The following CD2AP variants were observed in gnomAD, a reference collection of about 807,000 sequenced individuals.
The protein encoded by CD2AP is CD2-associated protein.
A neutral mutation model predicts 85.1 loss-of-function variants in CD2AP; 46 were observed. The ratio of observed to expected loss-of-function variants is 0.54; its 90% CI spans 0.43 to 0.69. The LOEUF (loss-of-function observed/expected upper bound fraction) is 0.69. Ranked by LOEUF, CD2AP falls within the 30% of genes least tolerant of loss-of-function variation. The probability of loss-of-function intolerance (pLI) is 0.00; values close to 1 mark genes in which losing one functional copy is unlikely to be tolerated. For missense variants in CD2AP, 769 were observed against 729.5 expected (o/e 1.05, Z -0.62); for synonymous variants, 255 against 252.9 (o/e 1.01, Z -0.08).
At chr6:47,533,462 G>T in intron 2 of CD2AP, 140 bp from the exon 3 acceptor site, 1 of 785,582 alleles carries the variant, frequency 1.3e-6, no homozygotes, top group South Asian at 1.8e-5. Context: ...AGATATGTTT[G>T]AGCAGAGCAA....
intron 1 of CD2AP, among the ~76,000 whole-genome samples, chr6:47,483,517 G>A (rs1765495646): frequency 6.6e-6 from 1 of 152,160 alleles, no homozygotes; most frequent in Admixed American, 6.5e-5. Context: ...AGAAATACAA[G>A]GTGGGTATTT....
intron 2 of CD2AP, among the ~76,000 whole-genome samples, chr6:47,508,839 A>G (rs1345392514): frequency 6.6e-6 from 1 of 151,948 alleles, no homozygotes; most frequent in Non-Finnish European, 1.5e-5. Flanking sequence ...GCCTGGCCTC[A>G]CACTTTCTTC....
intron 2 of CD2AP, among the ~76,000 whole-genome samples, chr6:47,511,509 A>G (rs957707779): frequency 6.6e-6 from 1 of 152,248 alleles, no homozygotes; most frequent in Non-Finnish European, 1.5e-5. Flanking sequence ...TAGTTTAATA[A>G]TAATGTACCA....
At chr6:47,489,206 C>G (rs991537962) in intron 1 of CD2AP, 1 of 139,910 alleles carries the variant, frequency 7.1e-6, no homozygotes, top group Admixed American at 7.8e-5. Context: ...TCGCTCTTGT[C>G]CCCCAGGCTG....
chr6:47,620,678 G>T (rs748831939), intron 17 of CD2AP, among the ~76,000 whole-genome samples: 1 of 152,150 alleles, frequency 6.6e-6, no homozygotes, highest in Non-Finnish European at 1.5e-5. Flanking sequence ...ACCCATCCAC[G>T]AGCGTGGGAT....
intron 16 of CD2AP, among the ~76,000 whole-genome samples, chr6:47,610,457 T>C (rs1177871078): frequency 6.6e-6 from 1 of 152,082 alleles, no homozygotes; most frequent in East Asian, 1.9e-4. Context: ...AAATAAAACA[T>C]AAATGTTATG....
At chr6:47,614,805 GC>G (rs1257115161) in intron 17 of CD2AP, among the ~76,000 whole-genome samples, 18 of 152,286 alleles carry the variant, frequency 1.2e-4, no homozygotes, top group African/African-American at 4.3e-4. Context: ...GTGCAGTTAA[GC>G]TATTTTCATT....
At chr6:47,573,716 C>T (rs926231321) in intron 5 of CD2AP, among the ~76,000 whole-genome samples, 8 of 151,992 alleles carry the variant, frequency 5.3e-5, no homozygotes, top group Non-Finnish European at 4.4e-5. Context: ...GTCTCGATCT[C>T]CTGACCTCGT....
At chr6:47,586,195 A>C (rs1768626210) in intron 11 of CD2AP, among the ~76,000 whole-genome samples, 1 of 152,220 alleles carries the variant, frequency 6.6e-6, no homozygotes, top group African/African-American at 2.4e-5. Flanking sequence ...GAAAATGTGA[A>C]CATTACAGTG....
In CD2AP at chr6:47,574,056, T is replaced by C. The variant is rs1768231473; in HGVS notation, c.542-8T>C. On this transcript the variant is annotated splice_region_variant and splice_polypyrimidine_tract_variant and intron_variant, in intron 5 of 17. Transcript: ENST00000359314. ...GTGTCATTCTTCAAAAACAAATTAT[T>C]GTTTCAGAAACTGTTTTGGCTGGGC... The C allele has an allele frequency of 1.2e-6, 2 of 1,613,502 alleles. No homozygotes were observed. The highest frequency in any genetic ancestry group is 2.7e-5 in the African/African-American group (2 of 75,044).
At chr6:47,590,888 G>A (rs1390858804) in intron 11 of CD2AP, among the ~76,000 whole-genome samples, 1 of 152,018 alleles carries the variant, frequency 6.6e-6, no homozygotes, top group African/African-American at 2.4e-5. Context: ...AAAACATTGA[G>A]GCAAGGAATT....
intron 1 of CD2AP, among the ~76,000 whole-genome samples, chr6:47,497,507 C>T (rs1375432348): frequency 6.6e-6 from 1 of 152,056 alleles, no homozygotes; most frequent in Non-Finnish European, 1.5e-5. Flanking sequence ...CATTCTCTCA[C>T]TCAAGCCATC....
intron 17 of CD2AP, among the ~76,000 whole-genome samples, chr6:47,621,534 G>T (rs1407789457): frequency 1.3e-5 from 2 of 152,140 alleles, no homozygotes; most frequent in Non-Finnish European, 2.9e-5. Context: ...TCTGGTTTTG[G>T]TATCAGGGTG....
chr6:47,535,183 G>A (rs1331132738), intron 3 of CD2AP, among the ~76,000 whole-genome samples: 8 of 152,202 alleles, frequency 5.3e-5, no homozygotes, highest in Non-Finnish European at 1.2e-4. Context: ...GAATGTAGGA[G>A]TTATTACTAT....
chr6:47,587,414 A>C (rs1359076767), intron 11 of CD2AP, among the ~76,000 whole-genome samples: 1 of 144,254 alleles, frequency 6.9e-6, no homozygotes, highest in Non-Finnish European at 1.5e-5. Flanking sequence ...TCAAATGTTT[A>C]GATAGGTGAT....
At chr6:47,514,175 G>T (rs1443721071) in intron 2 of CD2AP, among the ~76,000 whole-genome samples, 1 of 151,990 alleles carries the variant, frequency 6.6e-6, no homozygotes, top group African/African-American at 2.4e-5. Context: ...TTTACTATTA[G>T]CTGTAAAATT....
chr6:47,496,871 A>G (rs1765868404), intron 1 of CD2AP, among the ~76,000 whole-genome samples: 1 of 152,214 alleles, frequency 6.6e-6, no homozygotes, highest in Non-Finnish European at 1.5e-5. Context: ...TTATCTGAAC[A>G]TAGTAAGGGT....
At chr6:47,607,791 C>T in intron 14 of CD2AP, 136 bp from the exon 15 acceptor site, 2 of 627,792 alleles carry the variant, frequency 3.2e-6, no homozygotes, top group South Asian at 4.0e-5. Context: ...ATATAGCATC[C>T]TATTAATAAT....
At position 47,544,699 on chromosome 6, in the gene CD2AP, A is replaced by G. The variant is rs1265265485; in HGVS notation, c.413A>G (p.Asn138Ser). The G allele has an allele frequency of 7.5e-6, 12 of 1,593,566 alleles. No homozygotes were observed. Among genetic ancestry groups the G allele is most frequent in the Non-Finnish European group, 1.0e-5 (12 of 1,161,574 alleles). ...ELKVGDIIDI[N>S]EEVEEGWWSG... ...AAAGTGGGAGATATTATTGATATTA[A>G]TGAAGAGGTAAGGAAAAAATGTGTT... The change falls in exon 4 of 18, where the codon AAT becomes AGT. Residue 138 changes from asparagine (N) to serine (S), a missense_variant. Coordinates refer to ENST00000359314, the MANE Select transcript of CD2AP (RefSeq NM_012120.3).
Sources: gnomAD v4.1 joint callset for allele counts (sites outside exome capture counted in the v4.1 genomes callset) on GRCh38, gnomAD v4.1.1 for gene constraint, MANE v1.5 for transcripts, NCBI Gene and HGNC (gene_info 2026-07-23, HGNC 2026-07-21) for gene names.